FHIP2A: variants seen among roughly 807,000 people sequenced by gnomAD.
FHIP2A encodes the protein FHF complex subunit HOOK interacting protein 2A, also known as family with sequence similarity 160 member B1.
In FHIP2A, 46 loss-of-function variants were observed where a neutral mutation model predicts 93.5. The observed-to-expected ratio is 0.49, with a 90% CI of 0.39 to 0.63. The LOEUF (loss-of-function observed/expected upper bound fraction) is 0.63. Ranked by LOEUF, FHIP2A falls within the 20% of genes least tolerant of loss-of-function variation. The pLI is 0.00. For missense variants in FHIP2A, 769 were observed against 909.7 expected, an observed-to-expected ratio of 0.85 and a Z score of 1.99; for synonymous variants, 332 against 326.5, an observed-to-expected ratio of 1.02 and a Z score of -0.18.
At chr10:114,874,273 T>TC (rs397738814) in intron 16 of FHIP2A, among the ~76,000 whole-genome samples, 6 of 151,964 alleles carry the variant, frequency 3.9e-5, no homozygotes, top group East Asian at 1.9e-4. Context: ...TAATTTTTTT[T>TC]CCCAAAGGAA....
In FHIP2A at chr10:114,861,571, A is replaced by C; in HGVS notation, c.*31A>C. ...ATCTTTCATGTAACTGGGGGAACAG[A>C]ACTACTGTGTACATTTCACCAAAAA... is the stretch of plus-strand genomic sequence containing the variant. On this transcript the variant is annotated 3_prime_UTR_variant, in exon 17 of 17. Coordinates refer to ENST00000369248, the MANE Select transcript of FHIP2A (RefSeq NM_020940.4). 1 of 1,608,800 alleles carries C rather than the reference A, an allele frequency of 6.2e-7. No individual in the cohort carries two copies. Among genetic ancestry groups the C allele is most frequent in the South Asian group, 1.1e-5 (1 of 90,308 alleles).
At chr10:114,897,162 C>A (rs752031516) in intron 16 of FHIP2A, among the ~76,000 whole-genome samples, 1 of 152,230 alleles carries the variant, frequency 6.6e-6, no homozygotes, top group Non-Finnish European at 1.5e-5. Flanking sequence ...CCATATTTGG[C>A]GGTGCTTTTA....
In FHIP2A at chr10:114,861,837, A is replaced by C. The variant is rs1379223293; in HGVS notation, c.*297A>C. 1.3e-5 allele frequency: 14 copies of C among 1,037,148 alleles called. 1 individual carries two copies. The South Asian group carries it at 5.6e-4, about 42-fold the overall frequency. 64.2% of individuals were successfully genotyped at this position (1,037,148 alleles called of 1,614,324 possible). On this transcript the variant is annotated 3_prime_UTR_variant, in exon 17 of 17. Transcript: ENST00000369248. ...TTTCTAATGACTGTGAAAAGCTGCAATATTTCCAATGTCATGACTTTGATG... is the reference window on the plus strand; with the variant it reads ...TTTCTAATGACTGTGAAAAGCTGCACTATTTCCAATGTCATGACTTTGATG...
chr10:114,847,259 TC>T, intron 12 of FHIP2A, 26 bp downstream of exon 12: 1 of 1,582,074 alleles, frequency 6.3e-7, no homozygotes, highest in Non-Finnish European at 8.6e-7. Context: ...AAATTTGACT[TC>T]CATCTCTCTT....
chr10:114,880,684 C>T (rs2083912607), intron 16 of FHIP2A, among the ~76,000 whole-genome samples: 1 of 151,234 alleles, frequency 6.6e-6, no homozygotes, highest in Non-Finnish European at 1.5e-5. Flanking sequence ...CATGTCAACA[C>T]ACACACACAC....
At chr10:114,845,701 A>G (rs2083696729) in intron 8 of FHIP2A, among the ~76,000 whole-genome samples, 1 of 152,228 alleles carries the variant, frequency 6.6e-6, no homozygotes, top group Non-Finnish European at 1.5e-5. Context: ...TTCCTTAAAT[A>G]TTATGGTACA....
At chr10:114,857,133 A>T (rs539428636) in intron 14 of FHIP2A, among the ~76,000 whole-genome samples, 1 of 152,178 alleles carries the variant, frequency 6.6e-6, no homozygotes, top group East Asian at 1.9e-4. Context: ...ACAAAAAAAA[A>T]ACCCTTGATT....
intron 6 of FHIP2A, 89 bp downstream of exon 6, chr10:114,843,315 T>A: frequency 1.1e-6 from 1 of 930,830 alleles, no homozygotes; most frequent in Non-Finnish European, 1.4e-6. Flanking sequence ...TTAATTTATT[T>A]TTTTTTTTGA....
chr10:114,878,791 A>AAAAGAAAGAAAGAAAGAAAG (rs35334845), intron 16 of FHIP2A, among the ~76,000 whole-genome samples: 1 of 135,464 alleles, frequency 7.4e-6, no homozygotes, highest in African/African-American at 2.8e-5. Flanking sequence ...AAAAAAAAAA[A>AAAAGAAAGAAAGAAAGAAAG]AAAGAAAGAA....
chr10:114,876,283 A>C (rs1429213362), intron 16 of FHIP2A, among the ~76,000 whole-genome samples: 1 of 152,174 alleles, frequency 6.6e-6, no homozygotes, highest in Admixed American at 6.5e-5. Flanking sequence ...GGTCCACGTC[A>C]TCTCTGGTCC....
intron 16 of FHIP2A, among the ~76,000 whole-genome samples, chr10:114,883,401 T>G (rs1366008573): frequency 6.6e-6 from 1 of 152,144 alleles, no homozygotes; most frequent in Non-Finnish European, 1.5e-5. Flanking sequence ...CCGTGCTTTG[T>G]AGAACATCCT....
At chr10:114,835,507 C>T (rs755478100) in intron 3 of FHIP2A, 30 bp from the exon 4 acceptor site, 1 of 1,354,846 alleles carries the variant, frequency 7.4e-7, no homozygotes, top group Non-Finnish European at 1.1e-6. Flanking sequence ...CTGTTGTTTT[C>T]CTGTTGGCTT....
At position 114,863,294 on chromosome 10, in the gene FHIP2A, T is replaced by G; in HGVS notation, c.*1754T>G. The stretch of plus-strand genomic sequence containing the variant: ...TACAAGGAAAACTTCGACATTTACA[T>G]TTCTAGATGTAGTAACAGTCTACTT... On this transcript the variant is annotated 3_prime_UTR_variant, in exon 17 of 17. Transcript: ENST00000369248. 1.0e-6 allele frequency: 1 copy of G among 981,826 alleles called. No homozygotes were observed. Among genetic ancestry groups the G allele is most frequent in the African/African-American group, 1.7e-5 (1 of 57,320 alleles). The allele number at this position is 981,826 out of a possible 1,614,324, so 60.8% of individuals were successfully genotyped here. A position where few individuals can be genotyped will look rare whatever the true frequency, so the allele number is the denominator to read the frequency against.
At chr10:114,877,852 A>C (rs1364340141) in intron 16 of FHIP2A, among the ~76,000 whole-genome samples, 1 of 145,694 alleles carries the variant, frequency 6.9e-6, no homozygotes, top group African/African-American at 2.6e-5. Flanking sequence ...GAGAGCTAGC[A>C]AGTTGTTAAC....
At chr10:114,850,879 C>T (rs2083730929) in intron 13 of FHIP2A, among the ~76,000 whole-genome samples, 1 of 152,106 alleles carries the variant, frequency 6.6e-6, no homozygotes, top group Non-Finnish European at 1.5e-5. Context: ...TCCTTCAACA[C>T]ACAAAAGTTC....
At chr10:114,886,298 G>C (rs2083942339) in intron 16 of FHIP2A, among the ~76,000 whole-genome samples, 1 of 152,116 alleles carries the variant, frequency 6.6e-6, no homozygotes, top group Non-Finnish European at 1.5e-5. Flanking sequence ...TGGGGGACGT[G>C]GCTCTTGAAC....
chr10:114,891,537 ATGTGTGTG>A (rs34032569), intron 16 of FHIP2A, among the ~76,000 whole-genome samples: 5,331 of 137,180 alleles, frequency 0.039, 173 homozygotes, highest in Admixed American at 0.13. Context: ...ATATATATAT[ATGTGTGTG>A]TGTGTGTGTG....
intron 3 of FHIP2A, 38 bp downstream of exon 3, chr10:114,833,440 T>G (rs763605197): frequency 6.4e-7 from 1 of 1,552,538 alleles, no homozygotes; most frequent in Non-Finnish European, 8.9e-7. Flanking sequence ...TGGGCATTAG[T>G]ACATGCATTA....
chr10:114,881,828 C>T (rs1482543722), intron 16 of FHIP2A, among the ~76,000 whole-genome samples: 1 of 152,230 alleles, frequency 6.6e-6, no homozygotes, highest in African/African-American at 2.4e-5. Context: ...TCAATTTCTC[C>T]TGGAAAAAGC....
Sources: allele counts gnomAD v4.1 joint callset (sites outside exome capture counted in the v4.1 genomes callset), GRCh38; gene constraint gnomAD v4.1.1; transcripts MANE v1.5; gene names NCBI Gene and HGNC (gene_info 2026-07-23, HGNC 2026-07-21).